Variants in AGBL4 observed in about 807,000 individuals in gnomAD.
The protein encoded by AGBL4 is cytosolic carboxypeptidase 6.
Under a neutral mutation model 66.4 loss-of-function variants are expected in AGBL4, and 58 were observed. The observed-to-expected ratio is 0.87, with a 90% CI of 0.71 to 1.09. The LOEUF is 1.09. Ranked by LOEUF, AGBL4 falls within the 50% of genes least tolerant of loss-of-function variation. The pLI, the probability that AGBL4 is intolerant of heterozygous loss-of-function variation, is 0.00. For missense variants in AGBL4, 579 were observed against 631.0 expected (o/e 0.92, Z 0.88); for synonymous variants, 234 against 222.9 (o/e 1.05, Z -0.44).
At chr1:48,699,600 C>T (rs1191049212) in intron 6 of AGBL4, among the ~76,000 whole-genome samples, 1 of 152,202 alleles carries the variant, frequency 6.6e-6, no homozygotes. Context: ...CAACAGCTCT[C>T]AATCAATGAC....
intron 9 of AGBL4, among the ~76,000 whole-genome samples, chr1:48,612,566 GT>G (rs1296374953): frequency 6.6e-6 from 1 of 152,164 alleles, no homozygotes; most frequent in Non-Finnish European, 1.5e-5. Context: ...AAAGATCAAA[GT>G]TAAACAAATC....
intron 4 of AGBL4, among the ~76,000 whole-genome samples, chr1:49,209,967 A>G (rs1648540997): frequency 2.0e-5 from 3 of 152,082 alleles, no homozygotes; most frequent in African/African-American, 7.2e-5. Context: ...CCAGGACATA[A>G]AATATAGAAT....
chr1:48,986,018 A>G (rs1660153794), intron 5 of AGBL4, among the ~76,000 whole-genome samples: 2 of 152,156 alleles, frequency 1.3e-5, no homozygotes, highest in Non-Finnish European at 2.9e-5. Flanking sequence ...ATTACAGTGT[A>G]CATTGGATGG....
At chr1:49,666,515 G>C (rs560897915) in intron 3 of AGBL4, among the ~76,000 whole-genome samples, 67 of 152,048 alleles carry the variant, frequency 4.4e-4, no homozygotes, top group Non-Finnish European at 7.5e-4. Flanking sequence ...GCAGTGAGCA[G>C]AGATTGCACC....
chr1:48,862,423 G>A (rs1027177964), intron 6 of AGBL4, among the ~76,000 whole-genome samples: 1 of 152,138 alleles, frequency 6.6e-6, no homozygotes, highest in Non-Finnish European at 1.5e-5. Context: ...CCAGGTTCAC[G>A]CCATTCTCCT....
chr1:49,618,573 T>C (rs1645295654), intron 3 of AGBL4, among the ~76,000 whole-genome samples: 1 of 152,182 alleles, frequency 6.6e-6, no homozygotes, highest in South Asian at 2.1e-4. Context: ...TCTAAAACTA[T>C]TCCAAACAAT....
intron 3 of AGBL4, among the ~76,000 whole-genome samples, chr1:49,690,100 G>T (rs1646858587): frequency 6.6e-6 from 1 of 152,134 alleles, no homozygotes; most frequent in South Asian, 2.1e-4. Context: ...AAAAGATTAA[G>T]ACTCACTGAA....
At chr1:49,306,934 TA>T (rs1644858393) in intron 3 of AGBL4, among the ~76,000 whole-genome samples, 1 of 152,178 alleles carries the variant, frequency 6.6e-6, no homozygotes, top group South Asian at 2.1e-4. Flanking sequence ...AAGTGGAGGC[TA>T]AGAAAGTTTA....
At chr1:49,675,425 G>A (rs370359636) in intron 3 of AGBL4, among the ~76,000 whole-genome samples, 3 of 152,008 alleles carry the variant, frequency 2.0e-5, no homozygotes, top group Non-Finnish European at 4.4e-5. Flanking sequence ...CAAAAGTGAG[G>A]AGGGTGGGAG....
chr1:49,971,679 G>A (rs191993663), intron 1 of AGBL4, among the ~76,000 whole-genome samples: 3 of 151,908 alleles, frequency 2.0e-5, no homozygotes, highest in African/African-American at 4.8e-5. Context: ...TAAATGCTTC[G>A]TTAAATGGAA....
chr1:49,561,449 C>G (rs1644041155), intron 3 of AGBL4, among the ~76,000 whole-genome samples: 1 of 151,800 alleles, frequency 6.6e-6, no homozygotes, highest in African/African-American at 2.4e-5. Context: ...TAATGCTATC[C>G]GTCCCCCCTC....
intron 3 of AGBL4, among the ~76,000 whole-genome samples, chr1:49,281,396 C>G (rs532709802): frequency 1.3e-5 from 2 of 152,278 alleles, no homozygotes; most frequent in South Asian, 4.1e-4. Flanking sequence ...ATGAAGCCAT[C>G]ATGAGGATTC....
chr1:48,786,823 C>A (rs556130102), intron 6 of AGBL4, among the ~76,000 whole-genome samples: 1 of 141,888 alleles, frequency 7.0e-6, no homozygotes, highest in Non-Finnish European at 1.5e-5. Context: ...AAAAAGGAGA[C>A]AACTGGATAG....
intron 3 of AGBL4, among the ~76,000 whole-genome samples, chr1:49,600,566 T>G (rs1294503391): frequency 6.6e-6 from 1 of 152,234 alleles, no homozygotes; most frequent in Non-Finnish European, 1.5e-5. Flanking sequence ...TTTATCCAAT[T>G]TGCCAGTCTG....
chr1:49,436,582 T>C (rs1645908734), intron 3 of AGBL4, among the ~76,000 whole-genome samples: 2 of 151,902 alleles, frequency 1.3e-5, no homozygotes, highest in Non-Finnish European at 2.9e-5. Flanking sequence ...ACAAATAAAA[T>C]TCAAGCTAGA....
At chr1:49,191,017 C>A (rs1196601422) in intron 4 of AGBL4, among the ~76,000 whole-genome samples, 2 of 152,162 alleles carry the variant, frequency 1.3e-5, no homozygotes, top group Non-Finnish European at 2.9e-5. Flanking sequence ...TTTTGCTCAA[C>A]TAAATTTAGC....
Position 50,023,747 on chromosome 1 carries a change from G to A in AGBL4, c.34+16C>T. On this transcript the variant is annotated intron_variant, in intron 1 of 13. Coordinates refer to ENST00000371839, the MANE Select transcript of AGBL4 (RefSeq NM_032785.4). Reference sequence around the variant, plus strand: ...TGGCCGCCTCAGCCTTCCCCAGATCGGCCGCCCCCACAGACCTGCCTCAGG... The same window carrying A: ...TGGCCGCCTCAGCCTTCCCCAGATCAGCCGCCCCCACAGACCTGCCTCAGG... The A allele has an allele frequency of 1.3e-6, 2 of 1,547,646 alleles. No homozygotes were observed. Among genetic ancestry groups the A allele is most frequent in the Non-Finnish European group, 1.7e-6 (2 of 1,145,318 alleles).
intron 5 of AGBL4, among the ~76,000 whole-genome samples, chr1:48,941,936 C>G (rs1483770873): frequency 6.6e-6 from 1 of 152,124 alleles, no homozygotes; most frequent in Non-Finnish European, 1.5e-5. Flanking sequence ...GCCAGAAGGG[C>G]CCAAGTCTCT....
intron 3 of AGBL4, among the ~76,000 whole-genome samples, chr1:49,402,089 A>T (rs1048037192): frequency 1.3e-5 from 2 of 152,100 alleles, no homozygotes; most frequent in African/African-American, 4.8e-5. Context: ...GTCTAGCTAA[A>T]GGCTTGTCAA....
Sources: gnomAD v4.1 joint callset for allele counts (sites outside exome capture counted in the v4.1 genomes callset) on GRCh38, gnomAD v4.1.1 for gene constraint, MANE v1.5 for transcripts, NCBI Gene and HGNC (gene_info 2026-07-23, HGNC 2026-07-21) for gene names.